Variants in LIN28B observed in about 807,000 individuals in gnomAD.
LIN28B encodes the protein protein lin-28 homolog B.
A neutral mutation model predicts 21.9 loss-of-function variants in LIN28B; 5 were observed. That is an observed-to-expected ratio of 0.23 (90% CI 0.12 to 0.48). The LOEUF is 0.48. Ranked by LOEUF, LIN28B falls within the 20% of genes least tolerant of loss-of-function variation. The pLI is 0.98. For missense variants in LIN28B, 245 were observed against 310.5 expected (o/e 0.79, Z 1.58); for synonymous variants, 109 against 111.3 (o/e 0.98, Z 0.13).
chr6:105,035,095 T>G (rs546711024), intron 3 of LIN28B, among the ~76,000 whole-genome samples: 1 of 152,100 alleles, frequency 6.6e-6, no homozygotes, highest in Admixed American at 6.5e-5. Flanking sequence ...AAATCTAGTA[T>G]TATATTTTTG....
At chr6:104,990,770 G>C (rs932915326) in intron 2 of LIN28B, among the ~76,000 whole-genome samples, 1 of 151,954 alleles carries the variant, frequency 6.6e-6, no homozygotes, top group Non-Finnish European at 1.5e-5. Flanking sequence ...GACTCTTAAC[G>C]AGCATGCTGC....
intron 2 of LIN28B, among the ~76,000 whole-genome samples, chr6:105,018,759 A>G (rs1195781819): frequency 1.3e-5 from 2 of 150,946 alleles, no homozygotes; most frequent in African/African-American, 2.4e-5. Context: ...CTCCCCTTCC[A>G]TTTTCTAATC....
intron 3 of LIN28B, among the ~76,000 whole-genome samples, chr6:105,060,287 A>G (rs1256128715): frequency 1.3e-5 from 2 of 148,602 alleles, no homozygotes; most frequent in Non-Finnish European, 3.0e-5. Context: ...TTGTTGAGAT[A>G]GGGTCTCGCC....
intron 3 of LIN28B, among the ~76,000 whole-genome samples, chr6:105,027,211 A>G (rs1771303588): frequency 1.3e-5 from 2 of 152,126 alleles, no homozygotes; most frequent in Admixed American, 6.6e-5. Flanking sequence ...TCAAAAAAAT[A>G]TGTATTTTAA....
intron 2 of LIN28B, among the ~76,000 whole-genome samples, chr6:105,008,963 CATTT>C (rs1770870796): frequency 6.6e-6 from 1 of 152,116 alleles, no homozygotes; most frequent in Non-Finnish European, 1.5e-5. Context: ...GTTATATGTT[CATTT>C]GTTTATCAAT....
At chr6:105,009,859 A>C (rs746925930) in intron 2 of LIN28B, among the ~76,000 whole-genome samples, 2 of 152,158 alleles carry the variant, frequency 1.3e-5, no homozygotes, top group Admixed American at 6.6e-5. Flanking sequence ...AGCAGCCAAG[A>C]GTATAGTCTG....
At chr6:104,995,653 C>T (rs1230812343) in intron 2 of LIN28B, among the ~76,000 whole-genome samples, 1 of 152,248 alleles carries the variant, frequency 6.6e-6, no homozygotes, top group East Asian at 1.9e-4. Flanking sequence ...GGATTAGTGA[C>T]ATACTTTCTT....
At chr6:105,047,916 G>A (rs1439749272) in intron 3 of LIN28B, among the ~76,000 whole-genome samples, 3 of 152,168 alleles carry the variant, frequency 2.0e-5, no homozygotes, top group African/African-American at 7.2e-5. Flanking sequence ...AGGAGATTTT[G>A]GGCTGAGACG....
intron 3 of LIN28B, among the ~76,000 whole-genome samples, chr6:105,063,161 T>C (rs1772152856): frequency 6.6e-6 from 1 of 152,208 alleles, no homozygotes; most frequent in Non-Finnish European, 1.5e-5. Flanking sequence ...ATATAAAGGC[T>C]CATACTCTGA....
intron 2 of LIN28B, among the ~76,000 whole-genome samples, chr6:104,995,600 A>G (rs942896842): frequency 2.6e-5 from 4 of 152,178 alleles, no homozygotes; most frequent in African/African-American, 9.7e-5. Context: ...TGGGAAGAAA[A>G]GAATCCAGGA....
Position 105,075,313 on chromosome 6 carries a change from C to A in LIN28B, c.384-3101C>A, listed in dbSNP as rs183055816. On this transcript the variant is annotated intron_variant, in intron 3 of 3. Coordinates refer to ENST00000345080, the MANE Select transcript of LIN28B (RefSeq NM_001004317.4). ...GAGGGTGAACAAAGGGGACTAAAATCATGTATAGCTTGTATGGAGTATATA... is the reference window on the plus strand; with the variant it reads ...GAGGGTGAACAAAGGGGACTAAAATAATGTATAGCTTGTATGGAGTATATA... Among the ~76,000 whole-genome samples the A allele has an allele frequency of 1.3e-3, 199 of 152,218 alleles. 1 individual carries two copies. Among genetic ancestry groups the A allele is most frequent in the African/African-American group, 4.6e-3 (190 of 41,536 alleles).
chr6:105,020,055 A>T (rs1159356605), intron 2 of LIN28B, among the ~76,000 whole-genome samples: 1 of 151,980 alleles, frequency 6.6e-6, no homozygotes, highest in African/African-American at 2.4e-5. Flanking sequence ...ATAATTGGCA[A>T]ATAAACGATA....
At chr6:105,037,726 G>C (rs1399568658) in intron 3 of LIN28B, among the ~76,000 whole-genome samples, 1 of 151,758 alleles carries the variant, frequency 6.6e-6, no homozygotes, top group Non-Finnish European at 1.5e-5. Flanking sequence ...GCCCAGGCTG[G>C]TCTCAAACTC....
intron 3 of LIN28B, among the ~76,000 whole-genome samples, chr6:105,050,211 T>A (rs1771869578): frequency 6.6e-6 from 1 of 152,206 alleles, no homozygotes; most frequent in Admixed American, 6.5e-5. Context: ...TGACAAAATC[T>A]CTCAGCATTT....
At chr6:104,979,130 CT>C (rs1329237838) in intron 2 of LIN28B, among the ~76,000 whole-genome samples, 1 of 151,498 alleles carries the variant, frequency 6.6e-6, no homozygotes, top group African/African-American at 2.4e-5. Context: ...TTGTATTGTT[CT>C]GATTATAAAT....
At chr6:105,067,667 G>A (rs1423990720) in intron 3 of LIN28B, among the ~76,000 whole-genome samples, 1 of 152,064 alleles carries the variant, frequency 6.6e-6, no homozygotes, top group Non-Finnish European at 1.5e-5. Flanking sequence ...TTGAAATAAA[G>A]TTTAAACTTA....
At chr6:105,045,365 C>T (rs1771734298) in intron 3 of LIN28B, among the ~76,000 whole-genome samples, 1 of 147,294 alleles carries the variant, frequency 6.8e-6, no homozygotes, top group Non-Finnish European at 1.5e-5. Flanking sequence ...TGGCTCACTG[C>T]AACCTCTGCC....
Position 105,080,945 on chromosome 6 carries a change from G to GT in LIN28B, c.*2163dup, listed in dbSNP as rs1284861491. On this transcript the variant is annotated 3_prime_UTR_variant, in exon 4 of 4. Transcript: ENST00000345080. ...AAAGAAATTCAGAGCTAAAATCATG[G>GT]TAAAAAAAAATAGAAACACTTGAGA... 3.3e-5 allele frequency: 5 copies of GT among 152,468 alleles called. No individual in the cohort carries two copies. Among genetic ancestry groups the GT allele is most frequent in the East Asian group, 1.9e-4 (1 of 5,166 alleles). The allele number at this position is 152,468 out of a possible 1,614,324, so 9.4% of individuals were successfully genotyped here. A position where few individuals can be genotyped will look rare whatever the true frequency, so the allele number is the denominator to read the frequency against.
At chr6:105,057,962 T>A (rs895390711) in intron 3 of LIN28B, 2 of 257,628 alleles carry the variant, frequency 7.8e-6, no homozygotes, top group African/African-American at 2.3e-5. Flanking sequence ...ACGTTTTGGA[T>A]CTAATTCTAC....
Sources: allele counts gnomAD v4.1 joint callset (sites outside exome capture counted in the v4.1 genomes callset), GRCh38; gene constraint gnomAD v4.1.1; transcripts MANE v1.5; gene names NCBI Gene and HGNC (gene_info 2026-07-23, HGNC 2026-07-21).